The following NUP210 variants were observed in gnomAD, a reference collection of about 807,000 sequenced individuals.
NUP210 encodes nuclear pore membrane glycoprotein 210.
NUP210 carries 151 observed loss-of-function variants against 196.0 expected under a neutral mutation model. The observed-to-expected ratio is 0.77, with a 90% CI of 0.67 to 0.88. NUP210 has a LOEUF of 0.88. Ranked by LOEUF, NUP210 falls within the 40% of genes least tolerant of loss-of-function variation. NUP210 has a pLI of 0.00. For missense variants in NUP210, 2,314 were observed against 2,493.7 expected, an observed-to-expected ratio of 0.93 and a Z score of 1.53; for synonymous variants, 1,070 against 1,052.7, an observed-to-expected ratio of 1.02 and a Z score of -0.32.
chr3:13,375,796 C>G (rs930460245), intron 10 of NUP210, among the ~76,000 whole-genome samples, 155 bp from the exon 11 acceptor site: 1 of 152,216 alleles, frequency 6.6e-6, no homozygotes, highest in African/African-American at 2.4e-5. Context: ...CTGCTGCCCT[C>G]TCTTTCTCCA....
In NUP210 at chr3:13,321,375, G is replaced by A. The variant is rs112452715; in HGVS notation, c.5166+210C>T. 3.0e-3 allele frequency among the ~76,000 whole-genome samples: 452 copies of A among 152,304 alleles called. 4 individuals carry two copies. Among genetic ancestry groups the A allele is most frequent in the African/African-American group, 9.5e-3 (396 of 41,550 alleles). Reference sequence around the variant, plus strand: ...CTTGTAGCTGGGGAAGACCAGCAGCGGTCAGAACAATTAATACAATCACGC... The same window carrying A: ...CTTGTAGCTGGGGAAGACCAGCAGCAGTCAGAACAATTAATACAATCACGC... On this transcript the variant is annotated intron_variant, in intron 36 of 39. Coordinates refer to ENST00000254508, the MANE Select transcript of NUP210 (RefSeq NM_024923.4).
intron 8 of NUP210, among the ~76,000 whole-genome samples, chr3:13,377,969 G>A (rs1436870026): frequency 3.3e-5 from 5 of 151,544 alleles, no homozygotes; most frequent in Admixed American, 6.6e-5. Context: ...CCACAACTAT[G>A]GCCCTGGCCT....
chr3:13,386,497 T>C, intron 5 of NUP210, 90 bp from the exon 6 acceptor site: 1 of 1,490,774 alleles, frequency 6.7e-7, no homozygotes, highest in East Asian at 2.3e-5. Context: ...GTTTTAAACA[T>C]GGGAATAGGG....
At chr3:13,337,735 G>T in intron 26 of NUP210, 102 bp downstream of exon 26, 1 of 1,086,546 alleles carries the variant, frequency 9.2e-7, no homozygotes, top group Non-Finnish European at 1.4e-6. Context: ...AGATACCCGG[G>T]CCAGGCAGAT....
At chr3:13,414,191 T>G (rs2124966955) in intron 1 of NUP210, among the ~76,000 whole-genome samples, 1 of 152,256 alleles carries the variant, frequency 6.6e-6, no homozygotes, top group Admixed American at 6.5e-5. Context: ...GTGAGGGTGG[T>G]GGATGACACA....
chr3:13,391,361 G>A (rs1699486742), intron 3 of NUP210, 54 bp from the exon 4 acceptor site: 1 of 1,227,886 alleles, frequency 8.1e-7, no homozygotes, highest in Admixed American at 1.9e-5. Flanking sequence ...TCCCAGGGTG[G>A]AGGGAGGCGT....
intron 18 of NUP210, among the ~76,000 whole-genome samples, chr3:13,352,741 C>T (rs1287084769): frequency 3.9e-5 from 6 of 152,026 alleles, no homozygotes; most frequent in South Asian, 2.1e-4. Context: ...GCCAGGCACT[C>T]GGGGTGCAGC....
chr3:13,320,076 T>C (rs1490388826), intron 36 of NUP210, 97 bp from the exon 37 acceptor site: 1 of 1,075,552 alleles, frequency 9.3e-7, no homozygotes, highest in Non-Finnish European at 1.4e-6. Context: ...CTGCTCTGCA[T>C]GGCCATCTCT....
At chr3:13,369,216 C>T (rs1476298354) in intron 13 of NUP210, among the ~76,000 whole-genome samples, 4 of 152,136 alleles carry the variant, frequency 2.6e-5, no homozygotes, top group Middle Eastern at 3.2e-3. Context: ...GCTTATTGTC[C>T]GTGTATCAGC....
chr3:13,362,694 A>T (rs1347289097), intron 14 of NUP210, among the ~76,000 whole-genome samples: 1 of 152,194 alleles, frequency 6.6e-6, no homozygotes, highest in Non-Finnish European at 1.5e-5. Context: ...AACAATTCCA[A>T]GGAGCCCGCG....
At chr3:13,329,024 G>T in intron 30 of NUP210, 78 bp from the exon 31 acceptor site, 1 of 1,300,962 alleles carries the variant, frequency 7.7e-7, no homozygotes, top group Non-Finnish European at 1.1e-6. Flanking sequence ...CCCAAGGAGG[G>T]GACACCTGCC....
chr3:13,337,498 G>A (rs908980983), intron 26 of NUP210, among the ~76,000 whole-genome samples: 1 of 152,246 alleles, frequency 6.6e-6, no homozygotes, highest in African/African-American at 2.4e-5. Context: ...ACACGAAGAT[G>A]GTTCTGACAC....
At chr3:13,373,666 T>C in intron 12 of NUP210, 52 bp downstream of exon 12, 2 of 1,595,650 alleles carry the variant, frequency 1.3e-6, no homozygotes, top group Non-Finnish European at 1.7e-6. Flanking sequence ...AGGGGGCGGC[T>C]GGAGACCACC....
At chr3:13,345,770 G>C (rs1054595948) in intron 20 of NUP210, among the ~76,000 whole-genome samples, 3 of 152,200 alleles carry the variant, frequency 2.0e-5, no homozygotes, top group African/African-American at 7.2e-5. Flanking sequence ...CAGGGTCCAG[G>C]AGCCACCAGG....
chr3:13,343,341 G>GGGGGGGGGGGGGGGGGGGGGT, intron 20 of NUP210, 38 bp from the exon 21 acceptor site: 1 of 1,217,962 alleles, frequency 8.2e-7, no homozygotes, highest in Non-Finnish European at 1.2e-6. Flanking sequence ...GTGGGTGGTG[G>GGGGGGGGGGGGGGGGGGGGGT]GTTACGCAGC....
Position 13,321,656 on chromosome 3 carries a change from G to A in NUP210, c.5095C>T (p.Leu1699Phe), listed in dbSNP as rs137867919. ...GAACTGGTGTAGTGGTTGCTCAAAA[G>A]GATTTCAGCCTGGTCGGCGAAGAGA... ...PGLFADQAEI[L>F]LSNHYTSSEI... Residue 1699 changes from leucine (L) to phenylalanine (F), a missense_variant, in exon 36 of 40, where the codon CTT becomes TTT. Leu to Phe is a conservative substitution (Grantham distance 22, BLOSUM62 0). Transcript: ENST00000254508. 6.2e-7 allele frequency: 1 copy of A among 1,613,988 alleles called. No homozygotes were observed. Among genetic ancestry groups the A allele is most frequent in the African/African-American group, 1.3e-5 (1 of 74,882 alleles).
intron 12 of NUP210, 81 bp downstream of exon 12, chr3:13,373,637 G>T: frequency 1.4e-6 from 2 of 1,453,262 alleles, no homozygotes; most frequent in Non-Finnish European, 1.9e-6. Flanking sequence ...GTTTCTGAGT[G>T]AAGTCGAGGC....
chr3:13,358,305 G>A lies in NUP210; in HGVS notation c.2245C>T (p.Pro749Ser). Residue 749 changes from proline (P) to serine (S), a missense_variant, in exon 16 of 40, where the codon CCG becomes TCG. Pro to Ser is a moderately conservative substitution (Grantham distance 74). Transcript: ENST00000254508. ...PAVVKFVCAP[P>S]SRLTLAPVYT... is the part of the protein sequence containing the mutation. ...ACAGGCGCGAGGGTGAGCCTGGACG[G>A]TGGGGCGCAGACGAACTTCACCACG... 1 of 1,613,920 alleles carries A rather than the reference G, an allele frequency of 6.2e-7. No individual in the cohort carries two copies. The highest frequency in any genetic ancestry group is 2.2e-5 in the East Asian group (1 of 44,870).
intron 20 of NUP210, among the ~76,000 whole-genome samples, chr3:13,349,341 T>C (rs1280804052): frequency 1.3e-5 from 2 of 152,180 alleles, no homozygotes; most frequent in Non-Finnish European, 1.5e-5. Context: ...TTTCTTACCA[T>C]GCCCCCAGCT....
Sources: allele counts gnomAD v4.1 joint callset (sites outside exome capture counted in the v4.1 genomes callset), GRCh38; gene constraint gnomAD v4.1.1; transcripts MANE v1.5; gene names NCBI Gene and HGNC (gene_info 2026-07-23, HGNC 2026-07-21).